RNF185: variants seen among roughly 807,000 people sequenced by gnomAD.
RNF185 encodes ring finger protein 185.
Under a neutral mutation model 24.9 loss-of-function variants are expected in RNF185, and 13 were observed. That is an observed-to-expected ratio of 0.52 (90% CI 0.34 to 0.83). RNF185 has a LOEUF of 0.83. Among genes scored for constraint, RNF185 ranks in the 40% least tolerant of loss-of-function variants. The probability of loss-of-function intolerance (pLI) is 0.01; values close to 1 mark genes in which losing one functional copy is unlikely to be tolerated. For synonymous variants in RNF185, 79 were observed against 90.3 expected, an observed-to-expected ratio of 0.88 and a Z score of 0.71; for missense variants, 184 against 244.7, an observed-to-expected ratio of 0.75 and a Z score of 1.65.
intron 1 of RNF185, among the ~76,000 whole-genome samples, chr22:31,180,538 T>A (rs550893484): frequency 3.3e-5 from 5 of 151,470 alleles, no homozygotes; most frequent in African/African-American, 4.8e-5. Context: ...TTTTTTTTTT[T>A]AATACAATCA....
At chr22:31,180,231 G>A (rs1011093243) in intron 1 of RNF185, among the ~76,000 whole-genome samples, 1 of 152,210 alleles carries the variant, frequency 6.6e-6, no homozygotes, top group East Asian at 1.9e-4. Flanking sequence ...GGAAGGCTGA[G>A]GTGGGTGGAT....
chr22:31,204,824 C>G lies in RNF185; in HGVS notation c.*238C>G, dbSNP rs1361656008. 2.2e-6 allele frequency: 1 copy of G among 449,782 alleles called. No homozygotes were observed. Among genetic ancestry groups the G allele is most frequent in the Non-Finnish European group, 4.1e-6 (1 of 242,952 alleles). The allele number at this position is 449,782 out of a possible 1,614,324, so 27.9% of individuals were successfully genotyped here. A position where few individuals can be genotyped will look rare whatever the true frequency, so the allele number is the denominator to read the frequency against. ...TTCAGGCCTTGGCATTGAGTCATCT[C>G]TCATGGGTGACACCATGAAATCTTG... On this transcript the variant is annotated 3_prime_UTR_variant, in exon 7 of 7. Transcript: ENST00000326132.
At chr22:31,191,672 A>G (rs1044032708) in intron 2 of RNF185, among the ~76,000 whole-genome samples, 7 of 152,120 alleles carry the variant, frequency 4.6e-5, no homozygotes, top group South Asian at 2.1e-4. Context: ...TTCTGCTAAA[A>G]ATACAAAAAA....
chr22:31,184,018 C>G (rs1006599936), intron 1 of RNF185, among the ~76,000 whole-genome samples: 12 of 146,402 alleles, frequency 8.2e-5, no homozygotes, highest in Non-Finnish European at 1.4e-4. Flanking sequence ...CGGGGGCTGC[C>G]CCCCCCCACC....
chr22:31,195,241 C>T (rs998009430), intron 3 of RNF185, among the ~76,000 whole-genome samples: 14 of 152,194 alleles, frequency 9.2e-5, no homozygotes, highest in Non-Finnish European at 1.3e-4. Flanking sequence ...GCATGAGCAC[C>T]GCACCCGGCC....
chr22:31,177,976 G>T (rs774387054), intron 1 of RNF185, among the ~76,000 whole-genome samples: 2 of 152,162 alleles, frequency 1.3e-5, no homozygotes, highest in African/African-American at 4.8e-5. Flanking sequence ...CTCAATTCCT[G>T]TGAGGTGGGC....
chr22:31,180,640 C>T (rs1201183540), intron 1 of RNF185, among the ~76,000 whole-genome samples: 4 of 151,880 alleles, frequency 2.6e-5, no homozygotes, highest in African/African-American at 9.7e-5. Context: ...ATCCTCCTAC[C>T]TTGGCCTCCC....
intron 1 of RNF185, among the ~76,000 whole-genome samples, chr22:31,181,748 G>A (rs926330240): frequency 4.6e-5 from 7 of 151,536 alleles, no homozygotes; most frequent in African/African-American, 7.3e-5. Flanking sequence ...GCAAACTATC[G>A]CAAGGACAAA....
intron 2 of RNF185, among the ~76,000 whole-genome samples, chr22:31,191,030 A>C (rs1403158348): frequency 1.3e-5 from 2 of 152,270 alleles, no homozygotes; most frequent in Non-Finnish European, 2.9e-5. Context: ...GGTGTGTAGT[A>C]AGCTATTTCA....
In RNF185 at chr22:31,204,757, G is replaced by A. The variant is rs1232470361; in HGVS notation, c.*171G>A. On this transcript the variant is annotated 3_prime_UTR_variant, in exon 7 of 7. Transcript: ENST00000326132. ...GCTTTGGAACTCGAGACCAGTTGGC[G>A]ATGACCCCTGAATATCGCCACCGCT... 13 of 594,498 alleles carry A rather than the reference G, an allele frequency of 2.2e-5. No homozygotes were observed. The highest frequency in any genetic ancestry group is 3.3e-5 in the Non-Finnish European group (11 of 328,834). 36.8% of individuals were successfully genotyped at this position (594,498 alleles called of 1,614,324 possible). A position where few individuals can be genotyped will look rare whatever the true frequency, so the allele number is the denominator to read the frequency against.
intron 1 of RNF185, among the ~76,000 whole-genome samples, chr22:31,184,661 C>T (rs993538455): frequency 1.3e-5 from 2 of 152,212 alleles, no homozygotes; most frequent in Non-Finnish European, 2.9e-5. Context: ...CGTCTGCAAT[C>T]CTGGCACCTC....
intron 1 of RNF185, among the ~76,000 whole-genome samples, chr22:31,182,007 A>AAT (rs1183700949): frequency 6.6e-6 from 1 of 151,560 alleles, no homozygotes; most frequent in Admixed American, 6.6e-5. Context: ...GTATAATAAA[A>AAT]ATATATATAT....
At chr22:31,202,236 G>T (rs1182638030) in intron 6 of RNF185, among the ~76,000 whole-genome samples, 2 of 152,058 alleles carry the variant, frequency 1.3e-5, no homozygotes, top group Non-Finnish European at 2.9e-5. Context: ...TGCTCTATAG[G>T]TGCAAGCCAC....
chr22:31,184,884 C>T (rs1034177011), intron 1 of RNF185, among the ~76,000 whole-genome samples: 5 of 122,226 alleles, frequency 4.1e-5, no homozygotes, highest in African/African-American at 6.3e-5. Flanking sequence ...AGCCTCAGCT[C>T]GGCATCAGAG....
At chr22:31,162,189 TC>T (rs1923621412) in intron 1 of RNF185, among the ~76,000 whole-genome samples, 1 of 151,966 alleles carries the variant, frequency 6.6e-6, no homozygotes, top group African/African-American at 2.4e-5. Context: ...GCTGACTTGC[TC>T]CCCCGCCGCC....
chr22:31,202,757 C>T (rs1209652122), intron 6 of RNF185, among the ~76,000 whole-genome samples: 6 of 152,058 alleles, frequency 3.9e-5, no homozygotes, highest in East Asian at 1.9e-4. Context: ...GGACTACAGG[C>T]GCCTGCCACC....
In RNF185 at chr22:31,177,072, T is replaced by C. The variant is rs57138201; in HGVS notation, c.-48-9975T>C. 3.9e-3 allele frequency among the ~76,000 whole-genome samples: 599 copies of C among 152,192 alleles called. 1 individual carries two copies. Among genetic ancestry groups the C allele is most frequent in the African/African-American group, 0.013 (554 of 41,522 alleles). On this transcript the variant is annotated intron_variant, in intron 1 of 6. Transcript: ENST00000326132. ...TCAAAGGCTTTTCTTCTTCCCTTAG[T>C]CCCAGCCCTTGCTGCCTTACCATGA... is the stretch of plus-strand genomic sequence containing the variant.
At chr22:31,175,171 G>A (rs576995388) in intron 1 of RNF185, among the ~76,000 whole-genome samples, 4 of 151,928 alleles carry the variant, frequency 2.6e-5, no homozygotes, top group Non-Finnish European at 4.4e-5. Flanking sequence ...CTCTGGGCTT[G>A]GTGGCTGATT....
chr22:31,188,577 A>G (rs73390400), intron 2 of RNF185, among the ~76,000 whole-genome samples: 11,094 of 152,198 alleles, frequency 0.073, 1,351 homozygotes, highest in African/African-American at 0.25. Context: ...CTGTAATCCA[A>G]ACACTTTGAG....
Sources: allele counts gnomAD v4.1 joint callset (sites outside exome capture counted in the v4.1 genomes callset), GRCh38; gene constraint gnomAD v4.1.1; transcripts MANE v1.5; gene names NCBI Gene and HGNC (gene_info 2026-07-23, HGNC 2026-07-21).